HNF4G: variants seen among roughly 807,000 people sequenced by gnomAD.
HNF4G encodes hepatocyte nuclear factor 4-gamma.
Under a neutral mutation model 50.9 loss-of-function variants are expected in HNF4G, and 21 were observed. The observed-to-expected ratio is 0.41, with a 90% CI of 0.29 to 0.59. The LOEUF is 0.59. Ranked by LOEUF, HNF4G falls within the 20% of genes least tolerant of loss-of-function variation. The pLI, the probability that HNF4G is intolerant of heterozygous loss-of-function variation, is 0.26. For missense variants in HNF4G, 527 were observed against 559.4 expected, an observed-to-expected ratio of 0.94 and a Z score of 0.58; for synonymous variants, 198 against 185.6, an observed-to-expected ratio of 1.07 and a Z score of -0.54.
chr8:75,559,264 G>GT (rs1168214695), intron 8 of HNF4G, among the ~76,000 whole-genome samples: 27 of 75,436 alleles, frequency 3.6e-4, no homozygotes, highest in African/African-American at 1.9e-3. Flanking sequence ...ACCCCCATTC[G>GT]TTTTTTTTGT....
chr8:75,556,181 C>A, intron 6 of HNF4G, 112 bp downstream of exon 6: 1 of 474,848 alleles, frequency 2.1e-6, no homozygotes, highest in South Asian at 6.2e-5. Flanking sequence ...GCAAATGGTG[C>A]TGTCACTTCA....
chr8:75,521,701 A>G (rs1806047307), intron 2 of HNF4G, among the ~76,000 whole-genome samples: 1 of 152,136 alleles, frequency 6.6e-6, no homozygotes, highest in Non-Finnish European at 1.5e-5. Context: ...TTCCTTTTGA[A>G]CTTCTTCTTA....
intron 2 of HNF4G, among the ~76,000 whole-genome samples, chr8:75,500,529 A>G (rs1386304293): frequency 1.3e-5 from 2 of 152,160 alleles, no homozygotes; most frequent in African/African-American, 4.8e-5. Flanking sequence ...TGTACCCAAG[A>G]GCATTTAAAA....
chr8:75,469,745 G>A (rs554038901), intron 1 of HNF4G, among the ~76,000 whole-genome samples: 1 of 151,984 alleles, frequency 6.6e-6, no homozygotes, highest in Non-Finnish European at 1.5e-5. Context: ...ATCTCCCCAG[G>A]TTATCTTCAA....
chr8:75,478,729 C>T (rs1332945236), intron 1 of HNF4G, among the ~76,000 whole-genome samples: 1 of 151,608 alleles, frequency 6.6e-6, no homozygotes, highest in South Asian at 2.1e-4. Flanking sequence ...TTTCTTTTTT[C>T]TTTTTTGAGA....
chr8:75,488,320 G>A (rs6991683), intron 1 of HNF4G, among the ~76,000 whole-genome samples: 1 of 151,958 alleles, frequency 6.6e-6, no homozygotes. Flanking sequence ...GTTGCCCAGG[G>A]TGGAGTGCGG....
intron 2 of HNF4G, among the ~76,000 whole-genome samples, chr8:75,526,574 C>A (rs775397140): frequency 1.2e-4 from 18 of 151,902 alleles, no homozygotes; most frequent in Non-Finnish European, 2.1e-4. Context: ...TGCTCTATTG[C>A]CCAGGCTGGA....
At chr8:75,451,828 A>G (rs1811592129) in intron 1 of HNF4G, among the ~76,000 whole-genome samples, 1 of 152,168 alleles carries the variant, frequency 6.6e-6, no homozygotes, top group South Asian at 2.1e-4. Context: ...AAGACAGACA[A>G]TTTGGTAGTT....
intron 1 of HNF4G, among the ~76,000 whole-genome samples, chr8:75,461,881 AATAAATAT>A (rs1169879248): frequency 2.4e-4 from 9 of 37,178 alleles, no homozygotes; most frequent in African/African-American, 5.9e-4. Context: ...TTTAAAAAAA[AATAAATAT>A]ATAAATATAT....
chr8:75,424,924 A>G (rs528750052), intron 1 of HNF4G, among the ~76,000 whole-genome samples: 22 of 152,214 alleles, frequency 1.4e-4, no homozygotes, highest in Admixed American at 2.6e-4. Context: ...TGGGATTTCT[A>G]GGTCAAGTGG....
intron 1 of HNF4G, among the ~76,000 whole-genome samples, chr8:75,430,962 G>T (rs1326313385): frequency 1.3e-5 from 2 of 151,886 alleles, no homozygotes; most frequent in East Asian, 3.9e-4. Flanking sequence ...AAATAATATA[G>T]ATTATTAAAA....
At chr8:75,423,989 A>G (rs1478551755) in intron 1 of HNF4G, among the ~76,000 whole-genome samples, 1 of 150,148 alleles carries the variant, frequency 6.7e-6, no homozygotes, top group African/African-American at 2.5e-5. Flanking sequence ...ACACCCAGCT[A>G]ATTTTTGTAT....
chr8:75,516,963 G>A (rs1260655557), intron 2 of HNF4G, among the ~76,000 whole-genome samples: 1 of 152,054 alleles, frequency 6.6e-6, no homozygotes, highest in Admixed American at 6.6e-5. Flanking sequence ...AAAGAAAAGG[G>A]GTTTAATGGA....
At chr8:75,450,510 C>A (rs1811559225) in intron 1 of HNF4G, among the ~76,000 whole-genome samples, 1 of 152,160 alleles carries the variant, frequency 6.6e-6, no homozygotes, top group Non-Finnish European at 1.5e-5. Context: ...GAGGAAACTC[C>A]ATACTGTTTT....
chr8:75,447,471 A>G (rs2035262988), intron 1 of HNF4G, among the ~76,000 whole-genome samples: 1 of 141,022 alleles, frequency 7.1e-6, no homozygotes, highest in African/African-American at 2.7e-5. Context: ...ACAGCAAAAG[A>G]AACTACCATC....
At chr8:75,530,529 C>A (rs1419051337) in intron 2 of HNF4G, among the ~76,000 whole-genome samples, 1 of 151,866 alleles carries the variant, frequency 6.6e-6, no homozygotes, top group Non-Finnish European at 1.5e-5. Flanking sequence ...AGAATTTCTG[C>A]AGCTGGTTGA....
At chr8:75,558,780 C>T (rs769166170) in intron 7 of HNF4G, 21 bp from the exon 8 acceptor site, 1 of 1,596,520 alleles carries the variant, frequency 6.3e-7, no homozygotes, top group South Asian at 1.1e-5. Flanking sequence ...CTGTACACTG[C>T]CTCTCTTATT....
At chr8:75,475,886 C>A in intron 1 of HNF4G, among the ~76,000 whole-genome samples, 1 of 152,020 alleles carries the variant, frequency 6.6e-6, no homozygotes, top group African/African-American at 2.4e-5. Flanking sequence ...AACGTACTTT[C>A]AATTTCTGAT....
At chr8:75,553,569 G>A (rs1011749817) in intron 5 of HNF4G, among the ~76,000 whole-genome samples, 2 of 152,104 alleles carry the variant, frequency 1.3e-5, no homozygotes, top group Non-Finnish European at 2.9e-5. Flanking sequence ...GTGTATTGGC[G>A]TTTACTGAAG....
Sources: allele counts gnomAD v4.1 joint callset (sites outside exome capture counted in the v4.1 genomes callset), GRCh38; gene constraint gnomAD v4.1.1; transcripts MANE v1.5; gene names NCBI Gene and HGNC (gene_info 2026-07-23, HGNC 2026-07-21).